The following UNC5D variants were observed in gnomAD, a reference collection of about 807,000 sequenced individuals.
UNC5D encodes unc-5 netrin receptor D.
In UNC5D, 39 loss-of-function variants were observed where a neutral mutation model predicts 105.4. The observed-to-expected ratio is 0.37, with a 90% confidence interval of 0.29 to 0.48. The LOEUF (loss-of-function observed/expected upper bound fraction) is 0.48. Among genes scored for constraint, UNC5D ranks in the 20% least tolerant of loss-of-function variants. UNC5D has a pLI of 0.98. For missense variants in UNC5D, 991 were observed against 1,202.4 expected, an observed-to-expected ratio of 0.82 and a Z score of 2.60; for synonymous variants, 452 against 450.4, an observed-to-expected ratio of 1.00 and a Z score of -0.04.
intron 4 of UNC5D, among the ~76,000 whole-genome samples, chr8:35,621,815 T>C (rs1821374899): frequency 6.6e-6 from 1 of 152,160 alleles, no homozygotes; most frequent in South Asian, 2.1e-4. Context: ...TGCCTGAGCC[T>C]TCAGTAGGGT....
intron 4 of UNC5D, among the ~76,000 whole-genome samples, chr8:35,620,617 T>C (rs1821308101): frequency 6.6e-6 from 1 of 151,630 alleles, no homozygotes. Context: ...CAATTATGGT[T>C]TACCTTATCT....
intron 6 of UNC5D, among the ~76,000 whole-genome samples, chr8:35,685,081 C>G: frequency 6.6e-6 from 1 of 152,148 alleles, no homozygotes; most frequent in Non-Finnish European, 1.5e-5. Context: ...CATCTTGTGG[C>G]CTTTATTTGT....
At chr8:35,300,371 C>A (rs1437834447) in intron 1 of UNC5D, among the ~76,000 whole-genome samples, 1 of 141,556 alleles carries the variant, frequency 7.1e-6, no homozygotes, top group African/African-American at 2.6e-5. Flanking sequence ...CACTTGAACC[C>A]GGGAGGTGGA....
At position 35,791,627 on chromosome 8, in the gene UNC5D, G is replaced by A. The variant is rs1156770470; in HGVS notation, c.*1064G>A. ...ACAAAATCTCTCAGTAAGGCTATAT[G>A]TGATCCTCATTTTGCCTCTTGGGAA... On this transcript the variant is annotated 3_prime_UTR_variant, in exon 17 of 17. Coordinates refer to ENST00000404895, the MANE Select transcript of UNC5D (RefSeq NM_080872.4). The A allele has an allele frequency of 6.6e-6, 1 of 152,140 alleles. No individual in the cohort carries two copies. The highest frequency in any genetic ancestry group is 1.9e-4 in the East Asian group (1 of 5,198). 9.4% of individuals were successfully genotyped at this position (152,140 alleles called of 1,614,324 possible).
Position 35,730,996 on chromosome 8 carries a change from G to T in UNC5D, c.1682-16G>T. 2.5e-6 allele frequency: 4 copies of T among 1,612,966 alleles called. No homozygotes were observed. The highest frequency in any genetic ancestry group is 2.5e-6 in the Non-Finnish European group (3 of 1,179,268). The stretch of plus-strand genomic sequence containing the variant: ...GGAAAAATCTATGAATAACCTGTTG[G>T]CTTTTTCTGTTTTAGGGGTGAGCTT... On this transcript the variant is annotated splice_polypyrimidine_tract_variant and intron_variant, in intron 10 of 16. Transcript: ENST00000404895.
In UNC5D at chr8:35,235,944, C is replaced by A. The variant is rs968568821; in HGVS notation, c.103+57C>A. The A allele has an allele frequency of 2.7e-5, 33 of 1,210,408 alleles. No individual in the cohort carries two copies. In the African/African-American group the frequency reaches 4.4e-4, roughly 16 times the overall value. 75.0% of individuals were successfully genotyped at this position (1,210,408 alleles called of 1,614,324 possible). A position where few individuals can be genotyped will look rare whatever the true frequency, so the allele number is the denominator to read the frequency against. ...CGAGGGCGCAGGGGCGCCAGCCTGA[C>A]GGAGCGGGACCTGCACCGATGGCGT... On this transcript the variant is annotated intron_variant, in intron 1 of 16. Transcript: ENST00000404895.
chr8:35,746,380 G>C (rs995792429), intron 11 of UNC5D, among the ~76,000 whole-genome samples: 24 of 152,244 alleles, frequency 1.6e-4, no homozygotes, highest in African/African-American at 5.5e-4. Context: ...GAAAAAAATG[G>C]AGAGATTTTT....
At chr8:35,457,099 G>C (rs1808549919) in intron 1 of UNC5D, among the ~76,000 whole-genome samples, 3 of 152,134 alleles carry the variant, frequency 2.0e-5, no homozygotes, top group Non-Finnish European at 2.9e-5. Flanking sequence ...AATAATACCT[G>C]CCGTTAATTA....
At chr8:35,766,847 T>C in intron 14 of UNC5D, 55 bp from the exon 15 acceptor site, 1 of 1,553,310 alleles carries the variant, frequency 6.4e-7, no homozygotes, top group Non-Finnish European at 8.7e-7. Flanking sequence ...TCTCCTGTTC[T>C]AGTTCATCTC....
intron 1 of UNC5D, among the ~76,000 whole-genome samples, chr8:35,485,853 G>A (rs1348902650): frequency 4.6e-5 from 7 of 152,172 alleles, no homozygotes; most frequent in Non-Finnish European, 1.0e-4. Context: ...ACCTAGGGGA[G>A]ATGATCGAAG....
At position 35,703,547 on chromosome 8, in the gene UNC5D, G is replaced by A. The variant is rs1019258966; in HGVS notation, c.1085-2382G>A. On this transcript the variant is annotated intron_variant, in intron 7 of 16. Coordinates refer to ENST00000404895, the MANE Select transcript of UNC5D (RefSeq NM_080872.4). ...CCTGATTTCTCTGTCTCAAGTCCATGGCCCTGGGCTTTTCAGTCACATTCG... is the reference window on the plus strand; with the variant it reads ...CCTGATTTCTCTGTCTCAAGTCCATAGCCCTGGGCTTTTCAGTCACATTCG... Among the ~76,000 whole-genome samples the A allele has an allele frequency of 5.3e-5, 8 of 152,184 alleles. No individual in the cohort carries two copies. In the East Asian group the frequency reaches 9.6e-4, roughly 18 times the overall value.
chr8:35,782,506 T>TAAA (rs1348945137), intron 16 of UNC5D, among the ~76,000 whole-genome samples: 3 of 150,804 alleles, frequency 2.0e-5, no homozygotes, highest in Non-Finnish European at 4.4e-5. Flanking sequence ...TCAAAAATTT[T>TAAA]TTTTTTTTTT....
At chr8:35,684,904 A>G (rs1429638121) in intron 6 of UNC5D, among the ~76,000 whole-genome samples, 155 bp downstream of exon 6, 1 of 152,220 alleles carries the variant, frequency 6.6e-6, no homozygotes, top group Non-Finnish European at 1.5e-5. Context: ...GCTCATTGTC[A>G]TGGCAGCAAC....
intron 3 of UNC5D, among the ~76,000 whole-genome samples, chr8:35,573,396 A>T (rs189835132): frequency 3.3e-5 from 5 of 152,110 alleles, no homozygotes; most frequent in Admixed American, 2.6e-4. Flanking sequence ...GTCTGCTATG[A>T]TCGCGCCTGT....
In UNC5D at chr8:35,375,224, C is replaced by T. The variant is rs973710758; in HGVS notation, c.103+139337C>T. Among the ~76,000 whole-genome samples the T allele has an allele frequency of 3.9e-5, 6 of 152,160 alleles. No individual in the cohort carries two copies. In the South Asian group the frequency reaches 1.2e-3, roughly 32 times the overall value. Reference sequence around the variant, plus strand: ...AGAAAGAAAGCTTTATGAGTTTTCTCTCTGTGTAAGACTCTGTCTGCAGTG... The same window carrying T: ...AGAAAGAAAGCTTTATGAGTTTTCTTTCTGTGTAAGACTCTGTCTGCAGTG... On this transcript the variant is annotated intron_variant, in intron 1 of 16. Transcript: ENST00000404895.
chr8:35,662,929 C>T (rs1017046370), intron 4 of UNC5D, among the ~76,000 whole-genome samples: 4 of 152,180 alleles, frequency 2.6e-5, no homozygotes, highest in Non-Finnish European at 5.9e-5. Context: ...AGCGCAAACT[C>T]TCTTGTGAAC....
intron 1 of UNC5D, among the ~76,000 whole-genome samples, chr8:35,373,340 A>G (rs1259298604): frequency 3.9e-5 from 6 of 152,212 alleles, no homozygotes; most frequent in Non-Finnish European, 8.8e-5. Context: ...ATGATTTCAA[A>G]CATACTGGGA....
At chr8:35,248,821 A>G (rs1585409497) in intron 1 of UNC5D, among the ~76,000 whole-genome samples, 1 of 93,614 alleles carries the variant, frequency 1.1e-5, no homozygotes, top group South Asian at 3.3e-4. Flanking sequence ...TAATATATAT[A>G]ATATTTATAT....
chr8:35,570,888 G>A (rs1278632680), intron 3 of UNC5D, among the ~76,000 whole-genome samples: 1 of 151,966 alleles, frequency 6.6e-6, no homozygotes, highest in African/African-American at 2.4e-5. Context: ...AACCCGGGAG[G>A]CAGAGTTTGC....
Sources: gnomAD v4.1 joint callset for allele counts (sites outside exome capture counted in the v4.1 genomes callset) on GRCh38, gnomAD v4.1.1 for gene constraint, MANE v1.5 for transcripts, NCBI Gene and HGNC (gene_info 2026-07-23, HGNC 2026-07-21) for gene names.